Variants in LRRC20 observed in about 807,000 individuals in gnomAD.
The protein encoded by LRRC20 is leucine-rich repeat-containing protein 20.
In LRRC20, 11 loss-of-function variants were observed where a neutral mutation model predicts 14.4. That is an observed-to-expected ratio of 0.77 (90% CI 0.48 to 1.27). The LOEUF (loss-of-function observed/expected upper bound fraction) is 1.27, where lower values mean the gene tolerates loss of function less well. LRRC20 is among the 50% of genes most tolerant of loss of function. LRRC20 has a pLI of 0.00. For missense variants in LRRC20, 219 were observed against 251.2 expected, an observed-to-expected ratio of 0.87 and a Z score of 0.87; for synonymous variants, 121 against 107.3, an observed-to-expected ratio of 1.13 and a Z score of -0.79.
At chr10:70,378,488 CAAAA>C (rs72190981) in intron 1 of LRRC20, among the ~76,000 whole-genome samples, 3 of 131,160 alleles carry the variant, frequency 2.3e-5, no homozygotes, top group African/African-American at 2.7e-5. Context: ...ACTAAAAATA[CAAAA>C]AAAAAAAAAA....
chr10:70,331,704 C>T (rs1157875210), intron 3 of LRRC20, among the ~76,000 whole-genome samples: 1 of 152,194 alleles, frequency 6.6e-6, no homozygotes, highest in Non-Finnish European at 1.5e-5. Flanking sequence ...ACAACCAGGG[C>T]TCCCAGGATG....
intron 2 of LRRC20, among the ~76,000 whole-genome samples, chr10:70,364,408 A>G (rs1017665304): frequency 6.6e-6 from 1 of 152,270 alleles, no homozygotes; most frequent in Non-Finnish European, 1.5e-5. Context: ...CACACACAGC[A>G]GCTGCTCAAA....
At chr10:70,347,337 G>C (rs1260704188) in intron 2 of LRRC20, among the ~76,000 whole-genome samples, 1 of 152,102 alleles carries the variant, frequency 6.6e-6, no homozygotes, top group Admixed American at 6.5e-5. Flanking sequence ...AGTAGGGAGA[G>C]AAAGTGCTTA....
chr10:70,374,087 C>T (rs1293031465), intron 2 of LRRC20, among the ~76,000 whole-genome samples: 1 of 152,192 alleles, frequency 6.6e-6, no homozygotes, highest in Non-Finnish European at 1.5e-5. Flanking sequence ...CTCCGCCTGC[C>T]AGGCACCATC....
At chr10:70,313,008 G>A (rs935082848) in intron 4 of LRRC20, among the ~76,000 whole-genome samples, 4 of 152,222 alleles carry the variant, frequency 2.6e-5, no homozygotes, top group African/African-American at 9.6e-5. Flanking sequence ...GCCAGCAAGG[G>A]TGGGCTAATG....
chr10:70,324,531 C>T (rs1450071825), intron 3 of LRRC20, among the ~76,000 whole-genome samples: 1 of 152,232 alleles, frequency 6.6e-6, no homozygotes, highest in Non-Finnish European at 1.5e-5. Context: ...CCACAGCTGA[C>T]CCAATGTGGG....
At chr10:70,364,333 G>C (rs1843882877) in intron 2 of LRRC20, among the ~76,000 whole-genome samples, 1 of 152,218 alleles carries the variant, frequency 6.6e-6, no homozygotes, top group Non-Finnish European at 1.5e-5. Flanking sequence ...GAGTGTGCTA[G>C]AGCGATGTCT....
intron 3 of LRRC20, among the ~76,000 whole-genome samples, chr10:70,337,240 C>T (rs1842749058): frequency 1.3e-5 from 2 of 152,206 alleles, no homozygotes; most frequent in South Asian, 4.1e-4. Context: ...CTATTTAAGC[C>T]TCCTCTTCAC....
At chr10:70,381,106 GT>G (rs1321797113) in intron 1 of LRRC20, among the ~76,000 whole-genome samples, 1 of 152,234 alleles carries the variant, frequency 6.6e-6, no homozygotes, top group Non-Finnish European at 1.5e-5. Context: ...ACTAAGAGAA[GT>G]TTTTTGAGGA....
At chr10:70,323,069 T>C (rs193162675) in intron 4 of LRRC20, among the ~76,000 whole-genome samples, 65 of 152,220 alleles carry the variant, frequency 4.3e-4, no homozygotes, top group African/African-American at 1.4e-3. Context: ...ATGAACATCA[T>C]TGGCATTAGA....
At chr10:70,336,254 T>C (rs1842723044) in intron 3 of LRRC20, among the ~76,000 whole-genome samples, 1 of 152,172 alleles carries the variant, frequency 6.6e-6, no homozygotes, top group African/African-American at 2.4e-5. Context: ...ATCTGCTGGA[T>C]TGAGTTGACG....
intron 2 of LRRC20, among the ~76,000 whole-genome samples, chr10:70,354,608 A>T (rs1843454975): frequency 6.6e-6 from 1 of 152,134 alleles, no homozygotes; most frequent in Non-Finnish European, 1.5e-5. Flanking sequence ...CCTCCTCCTG[A>T]TGTAGCTGCT....
intron 1 of LRRC20, among the ~76,000 whole-genome samples, chr10:70,379,656 G>A (rs1287294803): frequency 2.6e-5 from 4 of 152,234 alleles, no homozygotes; most frequent in African/African-American, 9.6e-5. Context: ...TCACAGCAGA[G>A]AGGGAAAGGA....
intron 4 of LRRC20, among the ~76,000 whole-genome samples, chr10:70,310,620 C>T (rs114839721): frequency 3.9e-5 from 6 of 152,348 alleles, no homozygotes; most frequent in African/African-American, 1.4e-4. Context: ...ACAGTGCTCA[C>T]GGGTGCTCCA....
chr10:70,372,652 C>T (rs913532038), intron 2 of LRRC20, among the ~76,000 whole-genome samples: 15 of 151,952 alleles, frequency 9.9e-5, no homozygotes, highest in Admixed American at 4.6e-4. Context: ...CCATGTTAGC[C>T]AGGATGGTTT....
At chr10:70,329,494 T>G (rs1404591662) in intron 3 of LRRC20, among the ~76,000 whole-genome samples, 1 of 152,134 alleles carries the variant, frequency 6.6e-6, no homozygotes, top group East Asian at 1.9e-4. Context: ...TCTAGTGTAC[T>G]GAGAGTTGGA....
intron 4 of LRRC20, among the ~76,000 whole-genome samples, chr10:70,317,069 T>C (rs1329390402): frequency 6.6e-5 from 10 of 152,150 alleles, no homozygotes; most frequent in Non-Finnish European, 1.3e-4. Context: ...AGGGAACAAA[T>C]CAACATCCCT....
At chr10:70,310,873 C>T (rs1412907742) in intron 4 of LRRC20, among the ~76,000 whole-genome samples, 4 of 152,222 alleles carry the variant, frequency 2.6e-5, no homozygotes, top group African/African-American at 9.7e-5. Context: ...CCTAGTCTTC[C>T]CCTTTGACAC....
At chr10:70,379,864 C>G (rs1844644178) in intron 1 of LRRC20, among the ~76,000 whole-genome samples, 1 of 152,194 alleles carries the variant, frequency 6.6e-6, no homozygotes, top group African/African-American at 2.4e-5. Flanking sequence ...AGGAATGAAA[C>G]TATTCCACCT....
Sources: allele counts gnomAD v4.1 joint callset (sites outside exome capture counted in the v4.1 genomes callset), GRCh38; gene constraint gnomAD v4.1.1; transcripts MANE v1.5; gene names NCBI Gene and HGNC (gene_info 2026-07-23, HGNC 2026-07-21).